CRYBG1: variants seen among roughly 807,000 people sequenced by gnomAD.
CRYBG1 encodes beta/gamma crystallin domain-containing protein 1.
Under a neutral mutation model 189.2 loss-of-function variants are expected in CRYBG1, and 139 were observed. The ratio of observed to expected loss-of-function variants is 0.73; its 90% CI spans 0.64 to 0.85. CRYBG1 has a LOEUF of 0.85. CRYBG1 is among the 40% of genes least tolerant of loss of function. The probability of loss-of-function intolerance (pLI) is 0.00; values close to 1 mark genes in which losing one functional copy is unlikely to be tolerated. For missense variants in CRYBG1, 2,611 were observed against 2,675.8 expected, an observed-to-expected ratio of 0.98 and a Z score of 0.53; for synonymous variants, 1,023 against 1,017.1, an observed-to-expected ratio of 1.01 and a Z score of -0.11.
intron 2 of CRYBG1, among the ~76,000 whole-genome samples, chr6:106,492,459 AT>A (rs1772745459): frequency 6.6e-6 from 1 of 152,072 alleles, no homozygotes; most frequent in Non-Finnish European, 1.5e-5. Flanking sequence ...TTTATCTGCT[AT>A]TAGCCATAAT....
At chr6:106,393,106 C>T (rs1014955153) in intron 1 of CRYBG1, among the ~76,000 whole-genome samples, 1 of 152,218 alleles carries the variant, frequency 6.6e-6, no homozygotes, top group African/African-American at 2.4e-5. Context: ...ACAATAAAAT[C>T]TCTGTACTAG....
intron 13 of CRYBG1, among the ~76,000 whole-genome samples, chr6:106,548,855 C>T (rs370530623): frequency 5.3e-4 from 80 of 151,200 alleles, no homozygotes; most frequent in Non-Finnish European, 4.6e-4. Context: ...AACTCGTCAT[C>T]TAGCATTAGG....
chr6:106,562,826 T>C (rs964163713), intron 20 of CRYBG1, among the ~76,000 whole-genome samples: 2 of 151,952 alleles, frequency 1.3e-5, no homozygotes, highest in Admixed American at 6.6e-5. Flanking sequence ...TATAGCAACA[T>C]TGTTTTGTTT....
intron 11 of CRYBG1, among the ~76,000 whole-genome samples, chr6:106,543,827 G>A (rs773723912): frequency 6.6e-5 from 10 of 152,270 alleles, no homozygotes; most frequent in African/African-American, 1.9e-4. Flanking sequence ...CAAGGCGGGC[G>A]GATCACCTGA....
At chr6:106,413,687 A>G (rs1312727023) in intron 1 of CRYBG1, among the ~76,000 whole-genome samples, 1 of 152,154 alleles carries the variant, frequency 6.6e-6, no homozygotes, top group East Asian at 1.9e-4. Flanking sequence ...CAAAAAAAAA[A>G]AAGTGGACAC....
At chr6:106,392,163 G>A (rs1770520592) in intron 1 of CRYBG1, among the ~76,000 whole-genome samples, 1 of 152,036 alleles carries the variant, frequency 6.6e-6, no homozygotes. Flanking sequence ...GTTACAATGG[G>A]GGATGGGAGA....
At chr6:106,450,139 A>ACCCGGGAGGTGG (rs1771752383) in intron 1 of CRYBG1, among the ~76,000 whole-genome samples, 1 of 150,172 alleles carries the variant, frequency 6.7e-6, no homozygotes, top group Admixed American at 6.7e-5. Flanking sequence ...CATCACTTGA[A>ACCCGGGAGGTGG]CCCGGGAGGT....
Position 106,423,694 on chromosome 6 carries a change from CCTTTTT to C in CRYBG1, c.174-27999_174-27994del, listed in dbSNP as rs1179407189. ...CCCTCCAGTCCTCAGTTCTCCCTCC[CCTTTTT>C]TTTTTTTTTTTTTTTTTTTTTTTGA... On this transcript the variant is annotated intron_variant, in intron 1 of 21. Coordinates refer to ENST00000633556, the MANE Select transcript of CRYBG1 (RefSeq NM_001371242.2). 8.0e-3 allele frequency among the ~76,000 whole-genome samples: 808 copies of C among 101,186 alleles called. 48 individuals are homozygous for C. The highest frequency in any genetic ancestry group is 0.029 in the Middle Eastern group (5 of 174). 66.4% of individuals were successfully genotyped at this position (101,186 alleles called of 152,430 possible).
At chr6:106,464,363 C>G (rs1011500071) in intron 2 of CRYBG1, among the ~76,000 whole-genome samples, 1 of 151,822 alleles carries the variant, frequency 6.6e-6, no homozygotes, top group Non-Finnish European at 1.5e-5. Context: ...CATGTTGGTG[C>G]GCGCCTGTAA....
chr6:106,430,864 T>C (rs1771312632), intron 1 of CRYBG1, among the ~76,000 whole-genome samples: 1 of 152,000 alleles, frequency 6.6e-6, no homozygotes, highest in Non-Finnish European at 1.5e-5. Flanking sequence ...ACTGTCTTTG[T>C]TTTTGTTTTT....
chr6:106,423,378 C>T (rs1469628477), intron 1 of CRYBG1, among the ~76,000 whole-genome samples: 1 of 144,432 alleles, frequency 6.9e-6, no homozygotes, highest in East Asian at 2.1e-4. Context: ...TGGCTAGAGT[C>T]ACAGAATTAA....
At chr6:106,366,953 G>C (rs1253033751) in intron 1 of CRYBG1, among the ~76,000 whole-genome samples, 1 of 152,178 alleles carries the variant, frequency 6.6e-6, no homozygotes, top group Non-Finnish European at 1.5e-5. Context: ...AAGTACCTTT[G>C]AGTATTTGGA....
At chr6:106,495,885 T>C (rs1772840088) in intron 2 of CRYBG1, among the ~76,000 whole-genome samples, 1 of 151,406 alleles carries the variant, frequency 6.6e-6, no homozygotes, top group Admixed American at 6.6e-5. Flanking sequence ...CAAAGTGATA[T>C]TCAACTCCTT....
intron 1 of CRYBG1, among the ~76,000 whole-genome samples, chr6:106,376,547 C>T (rs974478157): frequency 5.3e-5 from 8 of 151,964 alleles, no homozygotes; most frequent in African/African-American, 9.7e-5. Context: ...TTTGTTACTT[C>T]GCAGAAGGCC....
intron 1 of CRYBG1, among the ~76,000 whole-genome samples, chr6:106,434,240 C>T (rs908108666): frequency 6.6e-6 from 1 of 152,020 alleles, no homozygotes; most frequent in African/African-American, 2.4e-5. Context: ...ATTACCTAGT[C>T]TTGGAAGTGA....
intron 7 of CRYBG1, among the ~76,000 whole-genome samples, chr6:106,528,330 G>A (rs1235242736): frequency 1.3e-5 from 2 of 152,182 alleles, no homozygotes; most frequent in Non-Finnish European, 2.9e-5. Context: ...GTCCTCATTA[G>A]TGGAATATTT....
intron 8 of CRYBG1, among the ~76,000 whole-genome samples, chr6:106,536,565 G>A (rs1363327377): frequency 6.6e-6 from 1 of 152,216 alleles, no homozygotes; most frequent in African/African-American, 2.4e-5. Flanking sequence ...TTAAGAGCAA[G>A]TGAACAAGAT....
chr6:106,433,955 C>A (rs1196658394), intron 1 of CRYBG1, among the ~76,000 whole-genome samples: 1 of 151,734 alleles, frequency 6.6e-6, no homozygotes, highest in Admixed American at 6.6e-5. Flanking sequence ...AATTTAGGAG[C>A]AGCTTAGCTG....
At chr6:106,515,417 C>T (rs1412922347) in intron 3 of CRYBG1, among the ~76,000 whole-genome samples, 2 of 152,162 alleles carry the variant, frequency 1.3e-5, no homozygotes, top group Non-Finnish European at 2.9e-5. Context: ...TACGTGTTTC[C>T]TGTCCTTAAG....
Sources: allele counts gnomAD v4.1 joint callset (sites outside exome capture counted in the v4.1 genomes callset), GRCh38; gene constraint gnomAD v4.1.1; transcripts MANE v1.5; gene names NCBI Gene and HGNC (gene_info 2026-07-23, HGNC 2026-07-21).